The following DNER variants were observed in gnomAD, a reference collection of about 807,000 sequenced individuals.
DNER encodes delta/notch like EGF repeat containing, also known as delta and Notch-like epidermal growth factor-related receptor.
Under a neutral mutation model 78.2 loss-of-function variants are expected in DNER, and 33 were observed. The ratio of observed to expected loss-of-function variants is 0.42; its 90% confidence interval spans 0.32 to 0.56. DNER has a LOEUF of 0.56. Ranked by LOEUF, DNER falls within the 20% of genes least tolerant of loss-of-function variation. The pLI is 0.11. For missense variants in DNER, 918 were observed against 975.3 expected (o/e 0.94, Z 0.78); for synonymous variants, 417 against 384.8 (o/e 1.08, Z -0.98).
At chr2:229,364,605 GTGC>G (rs1374940231) in intron 12 of DNER, among the ~76,000 whole-genome samples, 1 of 152,094 alleles carries the variant, frequency 6.6e-6, no homozygotes, top group Admixed American at 6.6e-5. Context: ...GCAAGACTGG[GTGC>G]AGCTCCCACC....
intron 8 of DNER, among the ~76,000 whole-genome samples, chr2:229,430,116 T>G (rs947531112): frequency 2.6e-5 from 4 of 152,220 alleles, no homozygotes; most frequent in African/African-American, 9.7e-5. Context: ...TACCAGTGCC[T>G]GTTTTGCACA....
chr2:229,523,919 C>A (rs1484613998), intron 5 of DNER, among the ~76,000 whole-genome samples: 1 of 152,242 alleles, frequency 6.6e-6, no homozygotes, highest in African/African-American at 2.4e-5. Flanking sequence ...GTGTCATTCT[C>A]ATCATCATGA....
rs146737095 is a variant in DNER at position 229,560,510 on chromosome 2, G to A, written c.848-13418C>T. Among the ~76,000 whole-genome samples the A allele has an allele frequency of 2.9e-3, 438 of 152,192 alleles. 2 individuals carry two copies. The highest frequency in any genetic ancestry group is 0.01 in the African/African-American group (417 of 41,514). On this transcript the variant is annotated intron_variant, in intron 4 of 12. Transcript: ENST00000341772. Reference sequence around the variant, plus strand: ...GGATTTTGCATTAACTCGGAGGTGGGGGAAGACAAACACCTGCAATCCCGC... The same window carrying A: ...GGATTTTGCATTAACTCGGAGGTGGAGGAAGACAAACACCTGCAATCCCGC...
At chr2:229,421,685 T>C (rs757765353) in intron 8 of DNER, among the ~76,000 whole-genome samples, 23 of 150,250 alleles carry the variant, frequency 1.5e-4, no homozygotes, top group Non-Finnish European at 3.4e-4. Context: ...AGAGTAAAAA[T>C]ATATACATAT....
chr2:229,686,650 T>C (rs1699487047), intron 1 of DNER, among the ~76,000 whole-genome samples: 1 of 152,152 alleles, frequency 6.6e-6, no homozygotes. Flanking sequence ...CTCCATGAGC[T>C]GACTCCAGCC....
intron 11 of DNER, among the ~76,000 whole-genome samples, chr2:229,379,382 G>GA (rs1692682876): frequency 1.3e-5 from 2 of 152,200 alleles, no homozygotes; most frequent in Non-Finnish European, 2.9e-5. Context: ...AAGGCTCCCA[G>GA]AGGTAAATTT....
chr2:229,483,883 C>G (rs1695217987), intron 6 of DNER, among the ~76,000 whole-genome samples: 1 of 152,192 alleles, frequency 6.6e-6, no homozygotes, highest in Non-Finnish European at 1.5e-5. Context: ...GTTACCTCCC[C>G]ACCCAGAAGG....
intron 12 of DNER, among the ~76,000 whole-genome samples, chr2:229,362,054 A>G (rs1692228945): frequency 6.6e-6 from 1 of 151,992 alleles, no homozygotes; most frequent in Non-Finnish European, 1.5e-5. Flanking sequence ...AAAAGATGGG[A>G]AGGAGTTGAC....
At chr2:229,485,486 T>C (rs1695250610) in intron 6 of DNER, among the ~76,000 whole-genome samples, 1 of 152,200 alleles carries the variant, frequency 6.6e-6, no homozygotes. Context: ...TTAAAATGTA[T>C]TCATATCTAG....
chr2:229,710,347 T>C (rs1699891264), intron 1 of DNER, among the ~76,000 whole-genome samples: 1 of 152,230 alleles, frequency 6.6e-6, no homozygotes, highest in Non-Finnish European at 1.5e-5. Flanking sequence ...AGGCACTCTT[T>C]AGATTCTATA....
At chr2:229,649,944 A>G (rs1698784803) in intron 1 of DNER, among the ~76,000 whole-genome samples, 1 of 151,938 alleles carries the variant, frequency 6.6e-6, no homozygotes, top group African/African-American at 2.4e-5. Flanking sequence ...GCGTGGTGGC[A>G]GCCACCTGTA....
At chr2:229,444,167 G>C (rs1353111368) in intron 8 of DNER, among the ~76,000 whole-genome samples, 3 of 152,184 alleles carry the variant, frequency 2.0e-5, no homozygotes, top group Admixed American at 2.0e-4. Context: ...TTTTAGCAGA[G>C]AATAGACGGA....
At chr2:229,509,103 T>C (rs1695809508) in intron 6 of DNER, among the ~76,000 whole-genome samples, 1 of 152,132 alleles carries the variant, frequency 6.6e-6, no homozygotes, top group African/African-American at 2.4e-5. Flanking sequence ...AAATAGGCTA[T>C]GCGTGAACAA....
intron 8 of DNER, among the ~76,000 whole-genome samples, chr2:229,422,506 A>G (rs1278769936): frequency 6.6e-6 from 1 of 152,130 alleles, no homozygotes; most frequent in African/African-American, 2.4e-5. Context: ...AGTGAGAAAG[A>G]GCGGTGGAGA....
chr2:229,597,442 TA>T (rs1697743282), intron 1 of DNER, among the ~76,000 whole-genome samples: 1 of 152,206 alleles, frequency 6.6e-6, no homozygotes. Context: ...TTTATCTCAT[TA>T]AGGAAAAGGT....
At chr2:229,377,674 T>G (rs1357868390) in intron 11 of DNER, among the ~76,000 whole-genome samples, 1 of 152,212 alleles carries the variant, frequency 6.6e-6, no homozygotes, top group Non-Finnish European at 1.5e-5. Context: ...GTCTGTTAGA[T>G]TTCTGCTTCT....
At chr2:229,609,637 A>G (rs990784389) in intron 1 of DNER, among the ~76,000 whole-genome samples, 2 of 152,188 alleles carry the variant, frequency 1.3e-5, no homozygotes, top group Admixed American at 1.3e-4. Context: ...CCCCTGCACT[A>G]GGCCCTGAAT....
Position 229,576,326 on chromosome 2 carries a change from CTCT to C in DNER, c.847+9529_847+9531del, listed in dbSNP as rs1377956884. ...CCAAAAGAATGATGAAAGTTTCTCT[CTCT>C]TTTTTTTTTTTTTTTTTTGGCATTT... On this transcript the variant is annotated intron_variant, in intron 4 of 12. Coordinates refer to ENST00000341772, the MANE Select transcript of DNER (RefSeq NM_139072.4). 4.0e-3 allele frequency among the ~76,000 whole-genome samples: 448 copies of C among 111,784 alleles called. 1 individual carries two copies. Among genetic ancestry groups the C allele is most frequent in the Non-Finnish European group, 6.8e-3 (388 of 56,760 alleles). 73.3% of individuals were successfully genotyped at this position (111,784 alleles called of 152,430 possible). A position where few individuals can be genotyped will look rare whatever the true frequency, so the allele number is the denominator to read the frequency against.
intron 1 of DNER, among the ~76,000 whole-genome samples, chr2:229,601,901 C>T (rs1395906204): frequency 6.6e-6 from 1 of 152,086 alleles, no homozygotes; most frequent in East Asian, 1.9e-4. Flanking sequence ...AAAACCTGAT[C>T]TTCCCTTTGT....
Sources: gnomAD v4.1 joint callset for allele counts (sites outside exome capture counted in the v4.1 genomes callset) on GRCh38, gnomAD v4.1.1 for gene constraint, MANE v1.5 for transcripts, NCBI Gene and HGNC (gene_info 2026-07-23, HGNC 2026-07-21) for gene names.